ZBBX: variants seen among roughly 807,000 people sequenced by gnomAD.
ZBBX encodes zinc finger B-box domain containing, also known as zinc finger B-box domain-containing protein 1.
A neutral mutation model predicts 108.5 loss-of-function variants in ZBBX; 101 were observed. The observed-to-expected ratio is 0.93, with a 90% CI of 0.79 to 1.10. The LOEUF is 1.10. Ranked by LOEUF, ZBBX falls within the 50% of genes least tolerant of loss-of-function variation. The pLI is 0.00. For missense variants in ZBBX, 1,009 were observed against 941.4 expected (o/e 1.07, Z -0.94); for synonymous variants, 356 against 323.4 (o/e 1.10, Z -1.08).
chr3:167,200,272 T>C, the ZBBX span, among the ~76,000 whole-genome samples: 1 of 152,144 alleles, frequency 6.6e-6, no homozygotes, highest in Non-Finnish European at 1.5e-5. Context: ...CTAGTTAAAT[T>C]TGAATATCAG....
intron 6 of ZBBX, among the ~76,000 whole-genome samples, chr3:167,362,679 G>C (rs1179966243): frequency 6.6e-6 from 1 of 152,050 alleles, no homozygotes; most frequent in African/African-American, 2.4e-5. Context: ...CCTTTGCTTA[G>C]ACACAATCTT....
At chr3:167,230,719 T>C in the ZBBX span, among the ~76,000 whole-genome samples, 41 of 151,678 alleles carry the variant, frequency 2.7e-4, no homozygotes, top group South Asian at 8.5e-3. Flanking sequence ...GGCCCTAGAG[T>C]TAGGCAGTGA....
chr3:167,281,154 G>A (rs1728743858), intron 20 of ZBBX, among the ~76,000 whole-genome samples: 1 of 152,180 alleles, frequency 6.6e-6, no homozygotes, highest in Non-Finnish European at 1.5e-5. Context: ...CCTAATGCTA[G>A]ATGATGAGTT....
rs767748793 is a variant in ZBBX, at chr3:167,313,942, T to C, written c.1417+32A>G. On this transcript the variant is annotated intron_variant, in intron 16 of 21. Coordinates refer to ENST00000675490, the MANE Select transcript of ZBBX (RefSeq NM_001199201.2). ...AATAGTAAATTATCAACATGCACTGTTAATAATATCCAGCAACAAGAAAAA... is the reference window on the plus strand; with the variant it reads ...AATAGTAAATTATCAACATGCACTGCTAATAATATCCAGCAACAAGAAAAA... The C allele has an allele frequency of 9.1e-6, 14 of 1,541,844 alleles. No homozygotes were observed. The African/African-American group carries it at 1.9e-4, about 21-fold the overall frequency.
At chr3:167,282,973 T>C (rs188756705) in intron 19 of ZBBX, among the ~76,000 whole-genome samples, 3 of 152,358 alleles carry the variant, frequency 2.0e-5, no homozygotes, top group African/African-American at 7.2e-5. Flanking sequence ...TTCTTACATT[T>C]AAAAATATGG....
At chr3:167,390,654 CTCT>C (rs1212029021) in intron 1 of ZBBX, among the ~76,000 whole-genome samples, 1 of 152,046 alleles carries the variant, frequency 6.6e-6, no homozygotes, top group Non-Finnish European at 1.5e-5. Context: ...GTTGTGTCCT[CTCT>C]TATTTCCTTG....
At chr3:167,228,786 T>A in the ZBBX span, among the ~76,000 whole-genome samples, 1 of 151,918 alleles carries the variant, frequency 6.6e-6, no homozygotes, top group South Asian at 2.1e-4. Flanking sequence ...CATGACCCCA[T>A]CATTCATTTT....
At chr3:167,344,799 G>A (rs1462515562) in intron 9 of ZBBX, among the ~76,000 whole-genome samples, 1 of 151,752 alleles carries the variant, frequency 6.6e-6, no homozygotes, top group African/African-American at 2.4e-5. Flanking sequence ...CTGCACTCAG[G>A]GAGCTATATC....
At chr3:167,345,831 T>C (rs1209299154) in intron 9 of ZBBX, among the ~76,000 whole-genome samples, 1 of 151,926 alleles carries the variant, frequency 6.6e-6, no homozygotes, top group Non-Finnish European at 1.5e-5. Context: ...AAGGCTACAG[T>C]AACCAAAACT....
In ZBBX at chr3:167,359,885, G is replaced by T; in HGVS notation, c.417C>A (p.Asn139Lys). 1 of 1,539,248 alleles carries T rather than the reference G, an allele frequency of 6.5e-7. No homozygotes were observed. The highest frequency in any genetic ancestry group is 1.2e-5 in the South Asian group (1 of 81,674). ...ACGTACATACCAGTAGAGCAGCTTT[G>T]TTCTCACACTGTCCACATACTTTCC... ...INGKVCGQCE[N>K]KAALLVCLEC... The change falls in exon 8 of 22, where the codon AAC becomes AAA. Residue 139 changes from asparagine (N) to lysine (K), a missense_variant. Physicochemically the swap from Asn to Lys is moderately conservative, Grantham distance 94 (BLOSUM62 0). Coordinates refer to ENST00000675490, the MANE Select transcript of ZBBX (RefSeq NM_001199201.2).
chr3:167,254,206 G>C (rs922637934), intron 20 of ZBBX, among the ~76,000 whole-genome samples: 3 of 152,118 alleles, frequency 2.0e-5, no homozygotes, highest in African/African-American at 7.2e-5. Context: ...TTTTTGTAAA[G>C]TGTTACAATG....
intron 21 of ZBBX, among the ~76,000 whole-genome samples, chr3:167,241,425 C>T (rs1576748967): frequency 6.6e-6 from 1 of 152,116 alleles, no homozygotes; most frequent in Admixed American, 6.6e-5. Flanking sequence ...CAGCAGGGGG[C>T]ACCTTATTCT....
chr3:167,205,686 G>A, the ZBBX span, among the ~76,000 whole-genome samples: 11 of 152,224 alleles, frequency 7.2e-5, no homozygotes, highest in South Asian at 2.1e-4. Flanking sequence ...CATTTTACAG[G>A]AGAAGAAATG....
chr3:167,391,068 T>G (rs566251338), intron 1 of ZBBX, among the ~76,000 whole-genome samples: 2 of 152,276 alleles, frequency 1.3e-5, no homozygotes, highest in East Asian at 3.9e-4. Flanking sequence ...GTGCCGGTTT[T>G]CAAAGGGAAT....
chr3:167,190,690 T>C, the ZBBX span, among the ~76,000 whole-genome samples: 1 of 152,238 alleles, frequency 6.6e-6, no homozygotes, highest in Middle Eastern at 3.4e-3. Flanking sequence ...CATGTTTTTA[T>C]CACTAGAGAT....
intron 20 of ZBBX, among the ~76,000 whole-genome samples, chr3:167,279,032 C>T (rs1410815174): frequency 6.6e-6 from 1 of 151,880 alleles, no homozygotes; most frequent in Non-Finnish European, 1.5e-5. Flanking sequence ...CAGAAAAAGC[C>T]TTTGACAAAA....
At chr3:167,353,742 T>C (rs1336535323) in intron 8 of ZBBX, among the ~76,000 whole-genome samples, 1 of 152,038 alleles carries the variant, frequency 6.6e-6, no homozygotes, top group Non-Finnish European at 1.5e-5. Flanking sequence ...AAATTTACAA[T>C]CACCCTTGTA....
chr3:167,407,463 C>T lies in ZBBX; in HGVS notation c.-446+263G>A, dbSNP rs557785721. On this transcript the variant is annotated intron_variant, in intron 1 of 21. Coordinates refer to the ZBBX transcript ENST00000455345. ...GGGGATTAGGGCTGCCAATCCCTCGCACAGTCAAAAATTTTCGTATAATTT... is the reference window on the plus strand; with the variant it reads ...GGGGATTAGGGCTGCCAATCCCTCGTACAGTCAAAAATTTTCGTATAATTT... Among the ~76,000 whole-genome samples, 3 of 152,116 alleles carry T rather than the reference C, an allele frequency of 2.0e-5. No homozygotes were observed. In the South Asian group the frequency reaches 6.2e-4, roughly 32 times the overall value.
At chr3:167,392,570 G>T (rs1748109040) in intron 1 of ZBBX, among the ~76,000 whole-genome samples, 1 of 151,734 alleles carries the variant, frequency 6.6e-6, no homozygotes, top group Non-Finnish European at 1.5e-5. Flanking sequence ...TAATAAGCAT[G>T]ATCTGAAAGT....
Sources: allele counts gnomAD v4.1 joint callset (sites outside exome capture counted in the v4.1 genomes callset), GRCh38; gene constraint gnomAD v4.1.1; transcripts MANE v1.5; gene names NCBI Gene and HGNC (gene_info 2026-07-23, HGNC 2026-07-21).